The following LIN28B variants were observed in gnomAD, a reference collection of about 807,000 sequenced individuals.
LIN28B encodes the protein protein lin-28 homolog B.
Under a neutral mutation model 21.9 loss-of-function variants are expected in LIN28B, and 5 were observed. The observed-to-expected ratio is 0.23, with a 90% CI of 0.12 to 0.48. The LOEUF (loss-of-function observed/expected upper bound fraction) is 0.48. LIN28B is among the 20% of genes least tolerant of loss of function. The pLI is 0.98. For missense variants in LIN28B, 245 were observed against 310.5 expected (o/e 0.79, Z 1.58); for synonymous variants, 109 against 111.3 (o/e 0.98, Z 0.13).
At chr6:104,976,228 T>C (rs137871070) in intron 2 of LIN28B, among the ~76,000 whole-genome samples, 8 of 152,258 alleles carry the variant, frequency 5.3e-5, no homozygotes, top group African/African-American at 1.9e-4. Context: ...GATCAGACAA[T>C]TTCATCACAC....
chr6:104,976,587 G>T (rs1301186323), intron 2 of LIN28B, among the ~76,000 whole-genome samples: 1 of 152,194 alleles, frequency 6.6e-6, no homozygotes, highest in Non-Finnish European at 1.5e-5. Context: ...AAAGTGCCAA[G>T]ATAACAGCAT....
At chr6:105,004,787 A>G (rs1477097754) in intron 2 of LIN28B, among the ~76,000 whole-genome samples, 1 of 152,204 alleles carries the variant, frequency 6.6e-6, no homozygotes, top group Non-Finnish European at 1.5e-5. Context: ...AGTAGCTTCA[A>G]ACATATCAGG....
intron 2 of LIN28B, among the ~76,000 whole-genome samples, chr6:104,998,462 C>T (rs1770657153): frequency 6.6e-6 from 1 of 151,964 alleles, no homozygotes; most frequent in Non-Finnish European, 1.5e-5. Context: ...AAAATATAGA[C>T]AATAATAATT....
At chr6:105,037,143 A>G (rs1312707501) in intron 3 of LIN28B, among the ~76,000 whole-genome samples, 3 of 152,298 alleles carry the variant, frequency 2.0e-5, no homozygotes, top group South Asian at 4.1e-4. Flanking sequence ...GATCAAGATG[A>G]AGACTGATCA....
rs1244060873 is a variant in LIN28B at position 104,947,148 on chromosome 6, A to G, written c.19-3313A>G. ...AATTTTTATTTTTATTTTTTGAGAC[A>G]GAGTCTCACTGTGTCACCCAGGCTG... On this transcript the variant is annotated intron_variant, in intron 2 of 5. Coordinates refer to the LIN28B transcript ENST00000635857. Among the ~76,000 whole-genome samples, 3 of 152,136 alleles carry G rather than the reference A, an allele frequency of 2.0e-5. No individual in the cohort carries two copies. The East Asian group carries it at 5.8e-4, about 29-fold the overall frequency.
chr6:105,000,175 C>T (rs1048406647), intron 2 of LIN28B, among the ~76,000 whole-genome samples: 10 of 151,774 alleles, frequency 6.6e-5, no homozygotes, highest in African/African-American at 2.4e-4. Context: ...ATGTTCAATT[C>T]TATGCATGTT....
At chr6:105,009,808 A>G (rs1434971009) in intron 2 of LIN28B, among the ~76,000 whole-genome samples, 2 of 152,206 alleles carry the variant, frequency 1.3e-5, no homozygotes, top group Admixed American at 6.5e-5. Flanking sequence ...GTTGATGTCT[A>G]TATCATTTTC....
At chr6:105,059,927 G>T (rs1772094415) in intron 3 of LIN28B, among the ~76,000 whole-genome samples, 1 of 149,650 alleles carries the variant, frequency 6.7e-6, no homozygotes. Flanking sequence ...TTTTAAGATG[G>T]AGTTTGGCTC....
At chr6:105,045,227 A>G (rs1222408747) in intron 3 of LIN28B, among the ~76,000 whole-genome samples, 1 of 151,386 alleles carries the variant, frequency 6.6e-6, no homozygotes, top group Non-Finnish European at 1.5e-5. Flanking sequence ...CTTATATTTA[A>G]TAATAATAAC....
intron 3 of LIN28B, among the ~76,000 whole-genome samples, chr6:105,034,482 A>G (rs898198152): frequency 6.6e-6 from 1 of 151,986 alleles, no homozygotes; most frequent in South Asian, 2.1e-4. Flanking sequence ...TGATGTTACT[A>G]CTTTTGGCTT....
chr6:105,007,502 A>G (rs1562090434), intron 2 of LIN28B, among the ~76,000 whole-genome samples: 1 of 152,134 alleles, frequency 6.6e-6, no homozygotes, highest in Middle Eastern at 3.4e-3. Context: ...TTTGTTGAAA[A>G]TAAAGCATAT....
chr6:105,003,991 A>G (rs1489817125), intron 2 of LIN28B, among the ~76,000 whole-genome samples: 2 of 152,198 alleles, frequency 1.3e-5, no homozygotes, highest in Non-Finnish European at 2.9e-5. Flanking sequence ...AAGGTCCCAC[A>G]ATAGGCTGTC....
intron 2 of LIN28B, among the ~76,000 whole-genome samples, chr6:105,013,008 T>C (rs1770955018): frequency 1.3e-5 from 2 of 152,038 alleles, no homozygotes; most frequent in South Asian, 4.1e-4. Context: ...TATTGCATTG[T>C]GGTTTTTTTG....
chr6:104,949,666 T>C (rs1778197332), intron 2 of LIN28B, among the ~76,000 whole-genome samples: 1 of 152,168 alleles, frequency 6.6e-6, no homozygotes, highest in South Asian at 2.1e-4. Context: ...TTCACACCAA[T>C]CTGTTTTGCA....
chr6:104,981,249 C>G (rs1282491703), intron 2 of LIN28B, among the ~76,000 whole-genome samples: 2 of 152,140 alleles, frequency 1.3e-5, no homozygotes, highest in African/African-American at 4.8e-5. Context: ...TACCCCCACT[C>G]ACTCTTTCTG....
rs1367393326 is a variant in LIN28B at position 105,078,818 on chromosome 6, T to C, written c.*35T>C. ...TTCATATGTTCTTTCCTTTACCCGGTTGCAAAGTCTACCTCATGCAAGTAT... is the reference window on the plus strand; with the variant it reads ...TTCATATGTTCTTTCCTTTACCCGGCTGCAAAGTCTACCTCATGCAAGTAT... On this transcript the variant is annotated 3_prime_UTR_variant, in exon 4 of 4. Transcript: ENST00000345080. The C allele has an allele frequency of 1.3e-6, 2 of 1,583,828 alleles. No individual in the cohort carries two copies. Among genetic ancestry groups the C allele is most frequent in the Non-Finnish European group, 1.7e-6 (2 of 1,162,992 alleles).
intron 2 of LIN28B, among the ~76,000 whole-genome samples, chr6:104,992,290 C>T (rs1229129446): frequency 6.6e-6 from 1 of 152,136 alleles, no homozygotes; most frequent in Non-Finnish European, 1.5e-5. Context: ...GCAGTGACCT[C>T]AGGTGATCCG....
chr6:105,028,025 G>A (rs186753791), intron 3 of LIN28B, among the ~76,000 whole-genome samples: 20 of 152,238 alleles, frequency 1.3e-4, no homozygotes, highest in Admixed American at 1.2e-3. Flanking sequence ...CTATTAAAGT[G>A]GTTTTCTGCT....
chr6:105,052,396 G>T (rs1274386133), intron 3 of LIN28B, among the ~76,000 whole-genome samples: 1 of 152,118 alleles, frequency 6.6e-6, no homozygotes, highest in African/African-American at 2.4e-5. Context: ...AGATCAAGGG[G>T]CAGGCATCTG....
Sources: allele counts gnomAD v4.1 joint callset (sites outside exome capture counted in the v4.1 genomes callset), GRCh38; gene constraint gnomAD v4.1.1; transcripts MANE v1.5; gene names NCBI Gene and HGNC (gene_info 2026-07-23, HGNC 2026-07-21).